The following LDLRAD3 variants were observed in gnomAD, a reference collection of about 807,000 sequenced individuals.
LDLRAD3 encodes the protein low density lipoprotein receptor class A domain containing 3.
A neutral mutation model predicts 29.4 loss-of-function variants in LDLRAD3; 20 were observed. That is an observed-to-expected ratio of 0.68 (90% confidence interval 0.48 to 0.99). The LOEUF is 0.99. Among genes scored for constraint, LDLRAD3 ranks in the 50% least tolerant of loss-of-function variants. LDLRAD3 has a pLI of 0.00. For missense variants in LDLRAD3, 420 were observed against 454.3 expected (o/e 0.92, Z 0.69); for synonymous variants, 157 against 192.7 (o/e 0.81, Z 1.53).
At chr11:35,948,113 T>G (rs1851082855) in intron 1 of LDLRAD3, among the ~76,000 whole-genome samples, 1 of 152,094 alleles carries the variant, frequency 6.6e-6, no homozygotes, top group Non-Finnish European at 1.5e-5. Flanking sequence ...TGACCCGAAT[T>G]GTAGTTACAT....
At chr11:35,955,145 C>T (rs757956105) in intron 1 of LDLRAD3, among the ~76,000 whole-genome samples, 8 of 152,076 alleles carry the variant, frequency 5.3e-5, no homozygotes, top group East Asian at 1.9e-4. Context: ...CTCGGGAGGC[C>T]GAGGCACGAG....
chr11:35,950,574 T>C (rs114831818), intron 1 of LDLRAD3, among the ~76,000 whole-genome samples: 1,650 of 152,302 alleles, frequency 0.011, 37 homozygotes, highest in African/African-American at 0.037. Flanking sequence ...ATACTGTATA[T>C]GTAAAACCTT....
intron 4 of LDLRAD3, among the ~76,000 whole-genome samples, chr11:36,170,427 C>T (rs1854582077): frequency 6.6e-6 from 1 of 151,560 alleles, no homozygotes; most frequent in South Asian, 2.1e-4. Flanking sequence ...TGGGCTGGTT[C>T]CATATTTTTT....
At chr11:36,103,289 T>C (rs1470305378) in intron 4 of LDLRAD3, among the ~76,000 whole-genome samples, 1 of 145,402 alleles carries the variant, frequency 6.9e-6, no homozygotes, top group Non-Finnish European at 1.5e-5. Context: ...CAGGCTGGAG[T>C]GCAGTGGCGC....
intron 4 of LDLRAD3, among the ~76,000 whole-genome samples, chr11:36,125,874 C>T (rs1178236569): frequency 1.3e-5 from 2 of 152,112 alleles, no homozygotes; most frequent in African/African-American, 2.4e-5. Context: ...GGTCCTGTTC[C>T]GTCCCCTCCC....
At chr11:35,974,968 A>T (rs1851458156) in intron 1 of LDLRAD3, among the ~76,000 whole-genome samples, 1 of 152,348 alleles carries the variant, frequency 6.6e-6, no homozygotes, top group Non-Finnish European at 1.5e-5. Flanking sequence ...TAAGGAGTGA[A>T]GCCAGCTGCA....
chr11:36,067,225 C>T (rs529639895), intron 2 of LDLRAD3, among the ~76,000 whole-genome samples: 139 of 152,172 alleles, frequency 9.1e-4, no homozygotes, highest in Middle Eastern at 3.4e-3. Flanking sequence ...CCATTCCCCA[C>T]GTATTAATTA....
chr11:36,077,111 A>G (rs1310855128), intron 2 of LDLRAD3, among the ~76,000 whole-genome samples: 1 of 152,194 alleles, frequency 6.6e-6, no homozygotes, highest in Non-Finnish European at 1.5e-5. Flanking sequence ...GTATATGTTA[A>G]GTCAGATAGA....
intron 4 of LDLRAD3, among the ~76,000 whole-genome samples, chr11:36,137,515 A>G (rs1854020879): frequency 6.6e-6 from 1 of 152,220 alleles, no homozygotes; most frequent in African/African-American, 2.4e-5. Flanking sequence ...GTCCTAATGG[A>G]AACAGTGTAA....
intron 4 of LDLRAD3, among the ~76,000 whole-genome samples, chr11:36,187,447 A>T (rs1327133239): frequency 6.6e-6 from 1 of 152,216 alleles, no homozygotes; most frequent in East Asian, 1.9e-4. Context: ...ACGGAATCCT[A>T]CAAAACATCT....
At chr11:36,069,329 C>T (rs1346833418) in intron 2 of LDLRAD3, among the ~76,000 whole-genome samples, 2 of 152,172 alleles carry the variant, frequency 1.3e-5, no homozygotes, top group African/African-American at 4.8e-5. Flanking sequence ...GCCTTCTTTG[C>T]TTTCTTGTCC....
intron 1 of LDLRAD3, chr11:35,997,279 CA>C (rs2133173740): frequency 2.7e-6 from 1 of 373,756 alleles, no homozygotes; most frequent in African/African-American, 2.1e-5. Context: ...GGGCAGTTCC[CA>C]GGATCTCTTT....
chr11:35,982,393 G>A lies in LDLRAD3; in HGVS notation c.46+38249G>A, dbSNP rs187167471. Among the ~76,000 whole-genome samples the A allele has an allele frequency of 5.3e-5, 8 of 150,280 alleles. No individual in the cohort carries two copies. In the East Asian group the frequency reaches 7.7e-4, roughly 15 times the overall value. ...ACAAATATCCCCTCTTTATGAGGAC[G>A]CCAGTCATGTTGGATTAGGACCCAC... is the stretch of plus-strand genomic sequence containing the variant. On this transcript the variant is annotated intron_variant, in intron 1 of 5. Transcript: ENST00000315571.
At chr11:35,976,751 C>T (rs757171931) in intron 1 of LDLRAD3, among the ~76,000 whole-genome samples, 4 of 151,958 alleles carry the variant, frequency 2.6e-5, no homozygotes, top group East Asian at 1.9e-4. Flanking sequence ...GTGTCTGAGA[C>T]GATGTTGGAA....
intron 1 of LDLRAD3, among the ~76,000 whole-genome samples, chr11:36,029,567 A>T (rs1321171402): frequency 6.6e-6 from 1 of 152,210 alleles, no homozygotes; most frequent in Non-Finnish European, 1.5e-5. Context: ...AATTTTCCTC[A>T]TGAAATGCAC....
At chr11:36,021,521 C>T (rs1237166961) in intron 1 of LDLRAD3, among the ~76,000 whole-genome samples, 2 of 152,252 alleles carry the variant, frequency 1.3e-5, no homozygotes, top group African/African-American at 2.4e-5. Flanking sequence ...GGAAAATTAA[C>T]GTTTGAATTC....
At chr11:36,153,788 T>G (rs1401147996) in intron 4 of LDLRAD3, among the ~76,000 whole-genome samples, 1 of 152,188 alleles carries the variant, frequency 6.6e-6, no homozygotes, top group Admixed American at 6.5e-5. Flanking sequence ...ATGTTTAAAT[T>G]CCTGCCATTA....
intron 4 of LDLRAD3, among the ~76,000 whole-genome samples, chr11:36,142,271 C>T (rs1175872414): frequency 6.6e-6 from 1 of 152,218 alleles, no homozygotes; most frequent in Non-Finnish European, 1.5e-5. Context: ...TGCAGTCTCC[C>T]TCATTCACAC....
chr11:36,079,603 A>G (rs1479248229), intron 2 of LDLRAD3, among the ~76,000 whole-genome samples: 1 of 152,174 alleles, frequency 6.6e-6, no homozygotes, highest in African/African-American at 2.4e-5. Context: ...AGGTAAAGAA[A>G]GGCAGATTTG....
Sources: allele counts gnomAD v4.1 joint callset (sites outside exome capture counted in the v4.1 genomes callset), GRCh38; gene constraint gnomAD v4.1.1; transcripts MANE v1.5; gene names NCBI Gene and HGNC (gene_info 2026-07-23, HGNC 2026-07-21).